ODAD2: variants seen among roughly 807,000 people sequenced by gnomAD.
ODAD2 encodes outer dynein arm-docking complex subunit 2.
In ODAD2, 89 loss-of-function variants were observed where a neutral mutation model predicts 106.8. The observed-to-expected ratio is 0.83, with a 90% CI of 0.70 to 0.99. The LOEUF is 0.99. Among genes scored for constraint, ODAD2 ranks in the 50% least tolerant of loss-of-function variants. The probability of loss-of-function intolerance (pLI) is 0.00; values close to 1 mark genes in which losing one functional copy is unlikely to be tolerated. For missense variants in ODAD2, 1,168 were observed against 1,238.5 expected (o/e 0.94, Z 0.85); for synonymous variants, 404 against 436.2 (o/e 0.93, Z 0.92).
intron 17 of ODAD2, among the ~76,000 whole-genome samples, chr10:27,905,841 C>A (rs967524969): frequency 6.6e-6 from 1 of 152,134 alleles, no homozygotes; most frequent in Admixed American, 6.6e-5. Flanking sequence ...TGGACCTCTT[C>A]CTTACACCTT....
intron 19 of ODAD2, among the ~76,000 whole-genome samples, chr10:27,815,761 C>G (rs1409151678): frequency 6.6e-6 from 1 of 152,150 alleles, no homozygotes; most frequent in African/African-American, 2.4e-5. Context: ...TTCCCCCTCC[C>G]TAGATGACAT....
At position 27,998,464 on chromosome 10, in the gene ODAD2, G is replaced by A. The variant is rs1486424049; in HGVS notation, c.-39+530C>T. Among the ~76,000 whole-genome samples, 4 of 152,108 alleles carry A rather than the reference G, an allele frequency of 2.6e-5. No individual in the cohort carries two copies. The East Asian group carries it at 7.7e-4, about 29-fold the overall frequency. On this transcript the variant is annotated intron_variant, in intron 1 of 19. Coordinates refer to ENST00000305242, the MANE Select transcript of ODAD2 (RefSeq NM_018076.5). Reference sequence around the variant, plus strand: ...GGAGGCAGAGCTGCAAAGGGCGGAGGAGAAAGACGGGCTGGGGGAAGGAGA... The same window carrying A: ...GGAGGCAGAGCTGCAAAGGGCGGAGAAGAAAGACGGGCTGGGGGAAGGAGA...
chr10:27,858,389 T>G (rs1339621271), intron 19 of ODAD2, among the ~76,000 whole-genome samples: 1 of 152,190 alleles, frequency 6.6e-6, no homozygotes, highest in Non-Finnish European at 1.5e-5. Context: ...TCTATGTTAT[T>G]GCAGAGTAAT....
intron 16 of ODAD2, among the ~76,000 whole-genome samples, chr10:27,914,450 T>C (rs1325092241): frequency 2.0e-5 from 3 of 152,176 alleles, no homozygotes; most frequent in Non-Finnish European, 4.4e-5. Flanking sequence ...AATTATTTTA[T>C]TGGGAATTGT....
At chr10:27,840,142 A>G (rs559832032) in intron 19 of ODAD2, among the ~76,000 whole-genome samples, 58 of 152,356 alleles carry the variant, frequency 3.8e-4, no homozygotes, top group African/African-American at 1.3e-3. Context: ...CAACTGAGGT[A>G]AAATATTCTA....
At chr10:27,993,467 T>C (rs1359863164) in intron 2 of ODAD2, among the ~76,000 whole-genome samples, 1 of 151,742 alleles carries the variant, frequency 6.6e-6, no homozygotes, top group Non-Finnish European at 1.5e-5. Context: ...CTGGGCAACA[T>C]GGGGAAACCC....
At chr10:27,914,137 A>G (rs577001916) in intron 16 of ODAD2, among the ~76,000 whole-genome samples, 1 of 152,284 alleles carries the variant, frequency 6.6e-6, no homozygotes, top group South Asian at 2.1e-4. Flanking sequence ...ACCATGGAGT[A>G]CTACACAGCC....
At chr10:27,993,666 T>C (rs1332041629) in intron 2 of ODAD2, among the ~76,000 whole-genome samples, 1 of 151,784 alleles carries the variant, frequency 6.6e-6, no homozygotes, top group Admixed American at 6.6e-5. Flanking sequence ...AAAAAATAAA[T>C]AAATAAATAT....
At chr10:27,840,480 C>A (rs537825572) in intron 19 of ODAD2, among the ~76,000 whole-genome samples, 1 of 152,178 alleles carries the variant, frequency 6.6e-6, no homozygotes, top group East Asian at 1.9e-4. Flanking sequence ...TGGAAGCCAT[C>A]TTGTAAAGTA....
intron 16 of ODAD2, among the ~76,000 whole-genome samples, chr10:27,933,752 T>TA (rs1845765136): frequency 6.6e-6 from 1 of 152,182 alleles, no homozygotes; most frequent in South Asian, 2.1e-4. Context: ...AAAACATAAA[T>TA]ACATTAGAAA....
Position 27,935,114 on chromosome 10 carries a change from A to G in ODAD2, c.2391T>C (p.Gly797=). Residue 797 remains glycine, a synonymous_variant, in exon 16 of 20, where the codon GGT becomes GGC. Coordinates refer to ENST00000305242, the MANE Select transcript of ODAD2 (RefSeq NM_018076.5). The part of the protein sequence containing the change: ...RENRVIVRKC[G]GIQPLVNLLV... Reference sequence around the variant, plus strand: ...GGAGGTTCACAAGTGGTTGAATGCCACCACATTTCCGGACAATGACTCGGT... The same window carrying G: ...GGAGGTTCACAAGTGGTTGAATGCCGCCACATTTCCGGACAATGACTCGGT... The G allele has an allele frequency of 5.0e-6, 8 of 1,613,986 alleles. No homozygotes were observed. The highest frequency in any genetic ancestry group is 6.8e-6 in the Non-Finnish European group (8 of 1,179,898).
chr10:27,985,245 A>G, intron 3 of ODAD2, 34 bp from the exon 4 acceptor site: 1 of 1,446,724 alleles, frequency 6.9e-7, no homozygotes, highest in Non-Finnish European at 9.2e-7. Flanking sequence ...ACAAATAAAA[A>G]TTATCCACTT....
At chr10:27,895,437 G>A (rs932342127) in intron 17 of ODAD2, among the ~76,000 whole-genome samples, 7 of 152,122 alleles carry the variant, frequency 4.6e-5, no homozygotes, top group East Asian at 1.9e-4. Flanking sequence ...ACAGGCATGC[G>A]CCACCAAGCC....
At chr10:27,860,324 G>A (rs1020433465) in intron 19 of ODAD2, among the ~76,000 whole-genome samples, 1 of 152,060 alleles carries the variant, frequency 6.6e-6, no homozygotes, top group Middle Eastern at 3.2e-3. Context: ...ATGGTGGCAT[G>A]CACCTGTAGT....
chr10:27,983,750 A>G, intron 6 of ODAD2, 93 bp downstream of exon 6: 1 of 1,233,450 alleles, frequency 8.1e-7, no homozygotes, highest in Non-Finnish European at 1.1e-6. Context: ...ATGGTAATTC[A>G]TTCTCTGTGG....
intron 16 of ODAD2, among the ~76,000 whole-genome samples, chr10:27,934,162 A>C (rs962140419): frequency 2.0e-5 from 3 of 152,070 alleles, no homozygotes; most frequent in African/African-American, 7.2e-5. Context: ...TTCCACTATA[A>C]TTATGAGGCC....
chr10:27,948,186 A>G (rs543357386), intron 10 of ODAD2, among the ~76,000 whole-genome samples: 1 of 152,208 alleles, frequency 6.6e-6, no homozygotes, highest in East Asian at 1.9e-4. Context: ...TATAGAAAAA[A>G]ATTCTGTAAA....
At chr10:27,974,500 CTTGT>C (rs1157282364) in intron 7 of ODAD2, among the ~76,000 whole-genome samples, 4 of 152,126 alleles carry the variant, frequency 2.6e-5, no homozygotes, top group Non-Finnish European at 5.9e-5. Context: ...TTCCCCATTG[CTTGT>C]TTTTGTCAGC....
intron 17 of ODAD2, among the ~76,000 whole-genome samples, chr10:27,894,364 T>C (rs1842736605): frequency 6.6e-6 from 1 of 152,064 alleles, no homozygotes; most frequent in Admixed American, 6.6e-5. Flanking sequence ...CATTTACATG[T>C]ATCTTTGGTC....
Sources: allele counts gnomAD v4.1 joint callset (sites outside exome capture counted in the v4.1 genomes callset), GRCh38; gene constraint gnomAD v4.1.1; transcripts MANE v1.5; gene names NCBI Gene and HGNC (gene_info 2026-07-23, HGNC 2026-07-21).